Variants in TMEM178B observed in about 807,000 individuals in gnomAD.
TMEM178B encodes transmembrane protein 178B.
Under a neutral mutation model 31.0 loss-of-function variants are expected in TMEM178B, and 5 were observed. That is an observed-to-expected ratio of 0.16 (90% CI 0.08 to 0.34). The LOEUF (loss-of-function observed/expected upper bound fraction) is 0.34. Among genes scored for constraint, TMEM178B ranks in the 10% least tolerant of loss-of-function variants. The pLI is 1.00. For missense variants in TMEM178B, 275 were observed against 400.3 expected (o/e 0.69, Z 2.67); for synonymous variants, 164 against 164.0 (o/e 1.00, Z 0.00).
chr7:141,364,515 C>T lies in TMEM178B; in HGVS notation c.497-73093C>T, dbSNP rs1799969987. ...CTCTACCCAAAATACAAAAAATTAGCCGGGCATGGTGGCACGTGCCTGTAG... is the reference window on the plus strand; with the variant it reads ...CTCTACCCAAAATACAAAAAATTAGTCGGGCATGGTGGCACGTGCCTGTAG... On this transcript the variant is annotated intron_variant, in intron 2 of 3. Coordinates refer to ENST00000565468, the MANE Select transcript of TMEM178B (RefSeq NM_001195278.2). 2.0e-5 allele frequency among the ~76,000 whole-genome samples: 3 copies of T among 152,058 alleles called. No individual in the cohort carries two copies. In the South Asian group the frequency reaches 6.2e-4, roughly 32 times the overall value.
At chr7:141,089,082 AT>A (rs1794835600) in intron 1 of TMEM178B, among the ~76,000 whole-genome samples, 1 of 152,268 alleles carries the variant, frequency 6.6e-6, no homozygotes, top group African/African-American at 2.4e-5. Flanking sequence ...TGAGTAGGAA[AT>A]AGTTCCAAAA....
intron 1 of TMEM178B, among the ~76,000 whole-genome samples, chr7:141,110,842 C>G (rs1795223473): frequency 6.6e-6 from 1 of 152,094 alleles, no homozygotes; most frequent in African/African-American, 2.4e-5. Context: ...GCATTGGTCT[C>G]CTTGTAAGAA....
intron 2 of TMEM178B, among the ~76,000 whole-genome samples, chr7:141,345,157 C>T (rs532974270): frequency 1.3e-5 from 2 of 152,292 alleles, no homozygotes; most frequent in African/African-American, 4.8e-5. Context: ...CCAACTCTCA[C>T]TTTTCCATTT....
At chr7:141,317,702 TA>T (rs1268214967) in intron 2 of TMEM178B, among the ~76,000 whole-genome samples, 1 of 152,184 alleles carries the variant, frequency 6.6e-6, no homozygotes, top group African/African-American at 2.4e-5. Context: ...TCCAGAACCA[TA>T]ACCCAGTCCT....
intron 2 of TMEM178B, among the ~76,000 whole-genome samples, chr7:141,343,723 A>G (rs1267654932): frequency 1.3e-5 from 2 of 151,728 alleles, no homozygotes; most frequent in Non-Finnish European, 2.9e-5. Flanking sequence ...CTAATTTTTT[A>G]TATTTTTAGT....
chr7:141,093,654 G>A (rs905454640), intron 1 of TMEM178B, among the ~76,000 whole-genome samples: 2 of 152,222 alleles, frequency 1.3e-5, no homozygotes, highest in Non-Finnish European at 2.9e-5. Context: ...GCTTGATAGA[G>A]CTCAGGGAGA....
At chr7:141,411,233 A>G (rs1399119518) in intron 2 of TMEM178B, among the ~76,000 whole-genome samples, 1 of 152,094 alleles carries the variant, frequency 6.6e-6, no homozygotes, top group Non-Finnish European at 1.5e-5. Flanking sequence ...AAAAATTTTA[A>G]AAAAGAAATT....
intron 2 of TMEM178B, among the ~76,000 whole-genome samples, chr7:141,244,797 C>T (rs1475686476): frequency 2.6e-5 from 4 of 151,988 alleles, no homozygotes; most frequent in African/African-American, 9.7e-5. Flanking sequence ...GTGAAGTGCA[C>T]ATAGGTTGCC....
downstream of TMEM178B, among the ~76,000 whole-genome samples, chr7:141,481,568 T>C (rs1201702800): frequency 6.6e-6 from 1 of 152,174 alleles, no homozygotes; most frequent in Non-Finnish European, 1.5e-5. Context: ...CAAGAAGACC[T>C]GCGTGGATTT....
intron 2 of TMEM178B, among the ~76,000 whole-genome samples, chr7:141,355,075 C>T (rs1315467937): frequency 1.3e-5 from 2 of 152,182 alleles, no homozygotes; most frequent in Non-Finnish European, 2.9e-5. Flanking sequence ...GCTTCCTCCA[C>T]CAGGCTCTCT....
At chr7:141,286,593 C>A (rs185109117) in intron 2 of TMEM178B, among the ~76,000 whole-genome samples, 1 of 152,288 alleles carries the variant, frequency 6.6e-6, no homozygotes, top group East Asian at 1.9e-4. Context: ...CATTTGCTGT[C>A]CATGCGAGCC....
At chr7:141,462,980 G>A (rs528380331) in intron 3 of TMEM178B, among the ~76,000 whole-genome samples, 11 of 152,190 alleles carry the variant, frequency 7.2e-5, no homozygotes, top group African/African-American at 2.4e-4. Flanking sequence ...TCCCCACCTC[G>A]GCCATGCCTT....
In TMEM178B at chr7:141,080,242, T is replaced by C. The variant is rs146227931; in HGVS notation, c.382+5550T>C. On this transcript the variant is annotated intron_variant, in intron 1 of 3. Coordinates refer to ENST00000565468, the MANE Select transcript of TMEM178B (RefSeq NM_001195278.2). ...CATTCATTCATTCAACAAGTATTTA[T>C]TGAGGGCCTTTGGGCTGTGCATCAG... 3.1e-3 allele frequency among the ~76,000 whole-genome samples: 478 copies of C among 152,312 alleles called. 1 individual carries two copies. Among genetic ancestry groups the C allele is most frequent in the Middle Eastern group, 0.02 (6 of 294 alleles).
chr7:141,389,391 T>C (rs1221088574), intron 2 of TMEM178B, among the ~76,000 whole-genome samples: 4 of 152,196 alleles, frequency 2.6e-5, no homozygotes, highest in Admixed American at 2.6e-4. Flanking sequence ...GTAGATTGGT[T>C]TTGAAACTGG....
chr7:141,210,933 C>T (rs886151870), intron 1 of TMEM178B, among the ~76,000 whole-genome samples: 4 of 152,066 alleles, frequency 2.6e-5, no homozygotes, highest in Non-Finnish European at 5.9e-5. Context: ...GAAGGCAGGG[C>T]GCCCTTGAGG....
chr7:141,215,338 T>TTATTATTATTATTATTA (rs999641567), intron 2 of TMEM178B, among the ~76,000 whole-genome samples: 73 of 25,002 alleles, frequency 2.9e-3, no homozygotes, highest in Non-Finnish European at 9.2e-3. Context: ...ATTATTATTA[T>TTATTATTATTATTATTA]TTTTTGAGAT....
At chr7:141,271,053 C>T (rs966017388) in intron 2 of TMEM178B, among the ~76,000 whole-genome samples, 1 of 152,156 alleles carries the variant, frequency 6.6e-6, no homozygotes, top group African/African-American at 2.4e-5. Flanking sequence ...TAGAAGTCTC[C>T]CCTGGGACTT....
intron 2 of TMEM178B, among the ~76,000 whole-genome samples, chr7:141,335,598 G>A (rs1799371182): frequency 6.6e-6 from 1 of 152,156 alleles, no homozygotes; most frequent in African/African-American, 2.4e-5. Flanking sequence ...CATGAAAACA[G>A]TAACAGTACA....
chr7:141,448,927 G>A (rs1005697714), intron 3 of TMEM178B, among the ~76,000 whole-genome samples: 1 of 152,122 alleles, frequency 6.6e-6, no homozygotes, highest in Admixed American at 6.5e-5. Flanking sequence ...CAGGAGGAGG[G>A]TGAACAGGAG....
Sources: gnomAD v4.1 joint callset for allele counts (sites outside exome capture counted in the v4.1 genomes callset) on GRCh38, gnomAD v4.1.1 for gene constraint, MANE v1.5 for transcripts, NCBI Gene and HGNC (gene_info 2026-07-23, HGNC 2026-07-21) for gene names.